Variants in TNNC2 observed in about 807,000 individuals in gnomAD.
TNNC2 encodes troponin C2, fast skeletal type.
Under a neutral mutation model 20.0 loss-of-function variants are expected in TNNC2, and 14 were observed. That is an observed-to-expected ratio of 0.70 (90% confidence interval 0.46 to 1.09). The LOEUF (loss-of-function observed/expected upper bound fraction) is 1.09. Ranked by LOEUF, TNNC2 falls within the 50% of genes least tolerant of loss-of-function variation. The pLI is 0.00. For missense variants in TNNC2, 163 were observed against 223.8 expected (o/e 0.73, Z 1.73); for synonymous variants, 81 against 77.3 (o/e 1.05, Z -0.25).
At chr20:45,830,972 G>A (rs531667402), upstream of TNNC2, among the ~76,000 whole-genome samples, 6 of 151,214 alleles carry the variant, frequency 4.0e-5, no homozygotes, top group Admixed American at 3.3e-4. Flanking sequence ...ATGGCGAGAC[G>A]CTGTCTCCAA....
intron 2 of TNNC2, among the ~76,000 whole-genome samples, chr20:45,832,328 A>G (rs1474173534): frequency 6.6e-6 from 1 of 152,106 alleles, no homozygotes; most frequent in African/African-American, 2.4e-5. Context: ...AAAATAAATA[A>G]ATAAATAAAT....
At position 45,824,064 on chromosome 20, in the gene TNNC2, G is replaced by A. The variant is rs754093865; in HGVS notation, c.378C>T (p.His126=). The A allele has an allele frequency of 6.2e-7, 1 of 1,614,090 alleles. No individual in the cohort carries two copies. The highest frequency in any genetic ancestry group is 8.5e-7 in the Non-Finnish European group (1 of 1,179,986). Residue 126 remains histidine (H), a synonymous_variant, in exon 5 of 6, where the codon CAC becomes CAT. Transcript: ENST00000372555. ...GAGATTCGATCTCCTCGTCCGTCAC[G>A]TGCTCCCCGGAGGCCCTGAAAATCT... is the stretch of plus-strand genomic sequence containing the variant. The part of the protein sequence containing the change: ...LAEIFRASGE[H]VTDEEIESLM...
intron 2 of TNNC2, 61 bp from the exon 3 acceptor site, chr20:45,824,699 C>CT (rs1383235549): frequency 1.3e-6 from 2 of 1,557,718 alleles, no homozygotes; most frequent in South Asian, 1.2e-5. Flanking sequence ...CACACCTACC[C>CT]CCCCCCAACC....
At chr20:45,830,730 T>C (rs1424470578), upstream of TNNC2, among the ~76,000 whole-genome samples, 1 of 152,210 alleles carries the variant, frequency 6.6e-6, no homozygotes, top group Non-Finnish European at 1.5e-5. Flanking sequence ...AACTTCCTAA[T>C]AGTCATAGTT....
intron 2 of TNNC2, among the ~76,000 whole-genome samples, chr20:45,832,563 C>A (rs1983143935): frequency 6.6e-6 from 1 of 152,216 alleles, no homozygotes; most frequent in Non-Finnish European, 1.5e-5. Context: ...CCTTTCTGCT[C>A]ACATGGGAGG....
At chr20:45,833,153 A>G (rs1237591063) in intron 2 of TNNC2, 1 of 105,512 alleles carries the variant, frequency 9.5e-6, no homozygotes, top group Non-Finnish European at 2.2e-5. Flanking sequence ...CAAAAGAGAA[A>G]GAAAGAAAGA....
chr20:45,828,680 T>A (rs1462252430), upstream of TNNC2, among the ~76,000 whole-genome samples: 3 of 151,864 alleles, frequency 2.0e-5, no homozygotes, highest in Non-Finnish European at 4.4e-5. Context: ...AACCTGAGAA[T>A]CCACAAGGTG....
At chr20:45,824,702 C>A (rs1982917318) in intron 2 of TNNC2, 64 bp from the exon 3 acceptor site, 3 of 1,575,160 alleles carry the variant, frequency 1.9e-6, no homozygotes, top group African/African-American at 1.4e-5. Flanking sequence ...ACCTACCCCC[C>A]CCCAACCCCC....
rs539944000 is a variant in TNNC2 at position 45,823,776 on chromosome 20, T to C, written c.451+215A>G. Among the ~76,000 whole-genome samples the C allele has an allele frequency of 6.6e-6, 1 of 152,126 alleles. No individual in the cohort carries two copies. Among genetic ancestry groups the C allele is most frequent in the Non-Finnish European group, 1.5e-5 (1 of 68,012 alleles). On this transcript the variant is annotated intron_variant, in intron 5 of 5. Coordinates refer to ENST00000372555, the MANE Select transcript of TNNC2 (RefSeq NM_003279.3). This position sits in a 1 kb window ranked among gnomAD's most constrained non-coding sequence, Gnocchi z 4.6. Reference sequence around the variant, plus strand: ...CCAAAGTTCTAGGATTTTACAGTCCTGAGCCACCACGCCCCCCTGCCTGGT... The same window carrying C: ...CCAAAGTTCTAGGATTTTACAGTCCCGAGCCACCACGCCCCCCTGCCTGGT...
At chr20:45,826,181 GTTGCTC>G (rs1982965628) in intron 1 of TNNC2, among the ~76,000 whole-genome samples, 1 of 152,192 alleles carries the variant, frequency 6.6e-6, no homozygotes, top group Non-Finnish European at 1.5e-5. Flanking sequence ...TACTTTAATA[GTTGCTC>G]AATAAAATGT....
At chr20:45,824,242 C>G (rs1464303754) in intron 4 of TNNC2, 50 bp downstream of exon 4, 2 of 1,602,998 alleles carry the variant, frequency 1.2e-6, no homozygotes, top group Non-Finnish European at 1.7e-6. Context: ...CGCTGCCGGC[C>G]GGGTTCTGAC....
At chr20:45,826,831 G>C (rs1426780537) in intron 1 of TNNC2, among the ~76,000 whole-genome samples, 1 of 152,180 alleles carries the variant, frequency 6.6e-6, no homozygotes, top group Non-Finnish European at 1.5e-5. Flanking sequence ...CGCCCTGCCG[G>C]CCTCCCGTCT....
chr20:45,827,791 C>A (rs1983011325), upstream of TNNC2, among the ~76,000 whole-genome samples: 1 of 152,046 alleles, frequency 6.6e-6, no homozygotes, highest in African/African-American at 2.4e-5. Context: ...CACAGAGAGA[C>A]CATGGTAAAT....
In TNNC2 at chr20:45,823,875, G is replaced by T; in HGVS notation, c.451+116C>A. 1 of 1,525,674 alleles carries T rather than the reference G, an allele frequency of 6.6e-7. No homozygotes were observed. The allele number at this position is 1,525,674 out of a possible 1,614,324, so 94.5% of individuals were successfully genotyped here. A position where few individuals can be genotyped will look rare whatever the true frequency, so the allele number is the denominator to read the frequency against. ...CCCAGGAGACTATGGGGAACTTGGT[G>T]AAGTTACGCCCAGCCCAGCCCACAA... On this transcript the variant is annotated intron_variant, in intron 5 of 5. Coordinates refer to ENST00000372555, the MANE Select transcript of TNNC2 (RefSeq NM_003279.3). The surrounding 1 kb of genome is among the most constrained non-coding windows in gnomAD (Gnocchi z 4.6).
In TNNC2 at chr20:45,827,128, C is replaced by A. The variant is rs6104362; in HGVS notation, c.3+118G>T. The A allele has an allele frequency of 2.4e-4, 324 of 1,363,202 alleles. No homozygotes were observed. In the African/African-American group the frequency reaches 3.0e-3, roughly 13 times the overall value. 84.4% of individuals were successfully genotyped at this position (1,363,202 alleles called of 1,614,324 possible). A position where few individuals can be genotyped will look rare whatever the true frequency, so the allele number is the denominator to read the frequency against. ...CTCCAAGACACCTGGGTTCCAGGAA[C>A]CTCCATGCTCCAACCTCAAACATCC... On this transcript the variant is annotated intron_variant, in intron 1 of 5. Transcript: ENST00000372555.
intron 4 of TNNC2, 53 bp downstream of exon 4, chr20:45,824,238 CG>C: frequency 6.2e-7 from 1 of 1,601,984 alleles, no homozygotes; most frequent in South Asian, 1.1e-5. Flanking sequence ...CCAGCGCTGC[CG>C]GCCGGGTTCT....
intron 1 of TNNC2, among the ~76,000 whole-genome samples, chr20:45,825,484 G>T (rs1159644055): frequency 6.6e-6 from 1 of 150,894 alleles, no homozygotes; most frequent in Admixed American, 6.6e-5. Flanking sequence ...TAGAGACGAG[G>T]TTTTACCATG....
At chr20:45,831,059 T>A (rs1193642778), upstream of TNNC2, among the ~76,000 whole-genome samples, 1 of 151,454 alleles carries the variant, frequency 6.6e-6, no homozygotes, top group African/African-American at 2.4e-5. Flanking sequence ...GAGGCAGAGG[T>A]AGGAGGATCT....
chr20:45,830,191 C>CTGG (rs1315826295), upstream of TNNC2, among the ~76,000 whole-genome samples: 1 of 151,560 alleles, frequency 6.6e-6, no homozygotes, highest in East Asian at 2.0e-4. Flanking sequence ...AAAATTGCTG[C>CTGG]TGGGTGTGGT....
Sources: gnomAD v4.1 joint callset for allele counts (sites outside exome capture counted in the v4.1 genomes callset) on GRCh38, gnomAD v4.1.1 for gene constraint, Gnocchi (gnomAD v3.1) non-coding constraint, MANE v1.5 for transcripts, NCBI Gene and HGNC (gene_info 2026-07-23, HGNC 2026-07-21) for gene names.